STARD9: variants seen among roughly 807,000 people sequenced by gnomAD.
STARD9 encodes StAR related lipid transfer domain containing 9.
STARD9 carries 346 observed loss-of-function variants against 399.8 expected under a neutral mutation model. The observed-to-expected ratio is 0.87, with a 90% CI of 0.79 to 0.95. The LOEUF is 0.95. Among genes scored for constraint, STARD9 ranks in the 40% least tolerant of loss-of-function variants. STARD9 has a pLI of 0.00. For missense variants in STARD9, 5,832 were observed against 5,667.5 expected (o/e 1.03, Z -0.93); for synonymous variants, 2,203 against 2,143.5 (o/e 1.03, Z -0.77).
chr15:42,652,729 G>A (rs1326855996), intron 9 of STARD9, 137 bp downstream of exon 9: 1 of 744,530 alleles, frequency 1.3e-6, no homozygotes, highest in Non-Finnish European at 2.2e-6. Context: ...AGACTGGAGT[G>A]CAGTGGCGCG....
intron 3 of STARD9, among the ~76,000 whole-genome samples, chr15:42,620,537 CT>C (rs1256416700): frequency 6.6e-6 from 1 of 152,010 alleles, no homozygotes; most frequent in Non-Finnish European, 1.5e-5. Flanking sequence ...AATCCTTAGA[CT>C]TCATTCAGGA....
At chr15:42,618,517 G>T (rs1485988096) in intron 3 of STARD9, among the ~76,000 whole-genome samples, 1 of 152,006 alleles carries the variant, frequency 6.6e-6, no homozygotes, top group Admixed American at 6.6e-5. Flanking sequence ...CAAATATATG[G>T]TGCTAGAGTA....
At chr15:42,705,265 ATCT>A (rs1207919813) in intron 26 of STARD9, among the ~76,000 whole-genome samples, 4 of 152,138 alleles carry the variant, frequency 2.6e-5, no homozygotes, top group Non-Finnish European at 5.9e-5. Flanking sequence ...TCTTTAATGC[ATCT>A]TCTTCTCCTT....
At chr15:42,616,085 T>G (rs2058958152) in intron 3 of STARD9, among the ~76,000 whole-genome samples, 1 of 152,186 alleles carries the variant, frequency 6.6e-6, no homozygotes, top group Admixed American at 6.5e-5. Context: ...TGTTTGTAAT[T>G]TGAAAAACAG....
chr15:42,608,461 T>C lies in STARD9; in HGVS notation c.234+22824T>C, dbSNP rs559143268. 1.8e-4 allele frequency among the ~76,000 whole-genome samples: 27 copies of C among 152,300 alleles called. No individual in the cohort carries two copies. In the East Asian group the frequency reaches 2.9e-3, roughly 16 times the overall value. The stretch of plus-strand genomic sequence containing the variant: ...CTCAGAGGCTCAGCTCCCTTGCTTC[T>C]CTTACATTAAGATTGGTCTCTAGAG... On this transcript the variant is annotated intron_variant, in intron 3 of 32. Transcript: ENST00000290607.
intron 7 of STARD9, among the ~76,000 whole-genome samples, chr15:42,645,402 A>G (rs1020013970): frequency 1.1e-4 from 17 of 152,330 alleles, no homozygotes; most frequent in African/African-American, 3.4e-4. Flanking sequence ...GACCAGGCAC[A>G]CTGTCAATGA....
chr15:42,684,849 G>A lies in STARD9; in HGVS notation c.3271G>A (p.Asp1091Asn), dbSNP rs1393348187. Residue 1091 changes from aspartate (D) to asparagine (N), a missense_variant, in exon 23 of 33, where the codon GAT becomes AAT. By Grantham distance (23) the Asp-to-Asn change is conservative (BLOSUM62 1). Transcript: ENST00000290607. ...VPLTDFSPVM[D>N]HSREKDNDLS... is the part of the protein sequence containing the mutation. ...ACTCACAGATTTCAGCCCAGTAATG[G>A]ATCATTCAAGAGAAAAAGACAATGA... 2 of 1,536,994 alleles carry A rather than the reference G, an allele frequency of 1.3e-6. No individual in the cohort carries two copies. Among genetic ancestry groups the A allele is most frequent in the Non-Finnish European group, 1.7e-6 (2 of 1,146,920 alleles).
In STARD9 at chr15:42,686,382, T is replaced by A; in HGVS notation, c.4804T>A (p.Ser1602Thr). ...CTTAGAATCATTGTCTGCTTCTCGA[T>A]CTACAAATGCACAGGTCTTTGCAAC... ...ADLESLSASR[S>T]TNAQVFATEN... The change falls in exon 23 of 33, where the codon TCT (serine) becomes ACT (threonine). Residue 1602 changes from serine to threonine, a missense_variant. Ser to Thr is a moderately conservative substitution (Grantham distance 58). This residue lies in a region of STARD9 where 5,828 missense variants were observed against 5,651.1 expected (regional missense o/e 1.03). Transcript: ENST00000290607. The A allele has an allele frequency of 7.2e-6, 11 of 1,537,614 alleles. No homozygotes were observed. Among genetic ancestry groups the A allele is most frequent in the Non-Finnish European group, 9.6e-6 (11 of 1,147,028 alleles).
At chr15:42,597,663 C>G (rs1566861423) in intron 3 of STARD9, among the ~76,000 whole-genome samples, 1 of 151,652 alleles carries the variant, frequency 6.6e-6, no homozygotes, top group Non-Finnish European at 1.5e-5. Flanking sequence ...AGCCTCCCAA[C>G]TAGCTGGGAC....
At chr15:42,631,450 T>C (rs1441411900) in intron 3 of STARD9, among the ~76,000 whole-genome samples, 2 of 152,076 alleles carry the variant, frequency 1.3e-5, no homozygotes, top group African/African-American at 4.8e-5. Flanking sequence ...CGTGGTGGTG[T>C]GCGCCGGTAG....
In STARD9 at chr15:42,696,249, C is replaced by T. The variant is rs118185030; in HGVS notation, c.13284+369C>T. Among the ~76,000 whole-genome samples the T allele has an allele frequency of 1.8e-4, 27 of 152,318 alleles. No homozygotes were observed. In the East Asian group the frequency reaches 5.2e-3, roughly 29 times the overall value. On this transcript the variant is annotated intron_variant, in intron 26 of 32. Transcript: ENST00000290607. The stretch of plus-strand genomic sequence containing the variant: ...AACCAGCATAAAACCAGGGGTCTGA[C>T]TTAGTCTAGAAGGTCATAGAGATAC...
rs1251307506 is a variant in STARD9 at position 42,575,639 on chromosome 15, G to A, written c.-77G>A. 1 of 1,477,028 alleles carries A rather than the reference G, an allele frequency of 6.8e-7. No homozygotes were observed. Among genetic ancestry groups the A allele is most frequent in the East Asian group, 2.5e-5 (1 of 40,462 alleles). 91.5% of individuals were successfully genotyped at this position (1,477,028 alleles called of 1,614,324 possible). ...GTGGGGCGGGCGGGGCTGGGTTGGG[G>A]CTGTGTCTGGGCTTAGGGCGGGGGC... On this transcript the variant is annotated 5_prime_UTR_variant, in exon 1 of 33. Transcript: ENST00000290607.
chr15:42,658,808 T>G (rs1248402322), intron 9 of STARD9, among the ~76,000 whole-genome samples: 1 of 151,906 alleles, frequency 6.6e-6, no homozygotes, highest in African/African-American at 2.4e-5. Context: ...AAAGACATTA[T>G]TAGGAGAATA....
chr15:42,694,747 G>A (rs1413560168), intron 24 of STARD9, 22 bp downstream of exon 24: 3 of 1,533,752 alleles, frequency 2.0e-6, no homozygotes, highest in East Asian at 4.9e-5. Context: ...CGAGAACCCT[G>A]CTGGGAGCAG....
intron 13 of STARD9, among the ~76,000 whole-genome samples, chr15:42,664,815 CACACACACACCCCATACGT>C (rs1566915707): frequency 6.6e-6 from 1 of 151,988 alleles, no homozygotes; most frequent in East Asian, 1.9e-4. Context: ...CACACACACA[CACACACACACCCCATACGT>C]ACACTGTTTT....
intron 9 of STARD9, among the ~76,000 whole-genome samples, chr15:42,655,714 A>C (rs536754439): frequency 1.9e-4 from 29 of 152,250 alleles, no homozygotes; most frequent in Non-Finnish European, 3.5e-4. Context: ...AAGCAAATGC[A>C]ACAAAAACAA....
intron 3 of STARD9, among the ~76,000 whole-genome samples, chr15:42,602,378 A>C (rs1163622967): frequency 1.3e-5 from 2 of 152,170 alleles, no homozygotes; most frequent in Non-Finnish European, 2.9e-5. Context: ...CGTGACTGCA[A>C]GTTGTCCAGG....
intron 3 of STARD9, among the ~76,000 whole-genome samples, chr15:42,619,233 C>T (rs1179065314): frequency 6.6e-6 from 1 of 152,110 alleles, no homozygotes; most frequent in Non-Finnish European, 1.5e-5. Context: ...CAAGTGCTGC[C>T]CCTTTGTATT....
At chr15:42,588,276 G>C (rs1339722272) in intron 3 of STARD9, among the ~76,000 whole-genome samples, 2 of 152,036 alleles carry the variant, frequency 1.3e-5, no homozygotes, top group African/African-American at 4.8e-5. Flanking sequence ...GTTTGGTTGT[G>C]AGTCCCGTAT....
Sources: allele counts gnomAD v4.1 joint callset (sites outside exome capture counted in the v4.1 genomes callset), GRCh38; gene constraint gnomAD v4.1.1; regional missense constraint gnomAD v4.1.1; transcripts MANE v1.5; gene names NCBI Gene and HGNC (gene_info 2026-07-23, HGNC 2026-07-21).